TSNARE1: variants seen among roughly 807,000 people sequenced by gnomAD.
TSNARE1 encodes t-SNARE domain-containing protein 1.
In TSNARE1, 49 loss-of-function variants were observed where a neutral mutation model predicts 62.0. The ratio of observed to expected loss-of-function variants is 0.79; its 90% CI spans 0.63 to 1.00. The LOEUF is 1.00. Among genes scored for constraint, TSNARE1 ranks in the 50% least tolerant of loss-of-function variants. TSNARE1 has a pLI of 0.00. For synonymous variants in TSNARE1, 328 were observed against 294.4 expected, an observed-to-expected ratio of 1.11 and a Z score of -1.17; for missense variants, 755 against 700.1, an observed-to-expected ratio of 1.08 and a Z score of -0.88.
chr8:142,397,822 C>A (rs1838003604), intron 1 of TSNARE1, among the ~76,000 whole-genome samples: 1 of 152,160 alleles, frequency 6.6e-6, no homozygotes, highest in South Asian at 2.1e-4. Context: ...GCCCACAGCG[C>A]AGCCACCACA....
Position 142,350,702 on chromosome 8 carries a change from C to G in TSNARE1, c.88+3935G>C, listed in dbSNP as rs569221318. On this transcript the variant is annotated intron_variant, in intron 2 of 13. Transcript: ENST00000524325. ...AACACCACCATCTACAGGGAAAGCT[C>G]AACAGATTCCACAGACAAATAATTA... 2.0e-5 allele frequency among the ~76,000 whole-genome samples: 3 copies of G among 152,340 alleles called. No individual in the cohort carries two copies. In the East Asian group the frequency reaches 5.8e-4, roughly 29 times the overall value.
Position 142,377,403 on chromosome 8 carries a change from G to A in TSNARE1, c.-39-22640C>T, listed in dbSNP as rs1045791803. ...AAATGCAACATAGGCAAAATTAAAA[G>A]GCAAAAGATAAAGTGACAACATATT... On this transcript the variant is annotated intron_variant, in intron 1 of 13. Coordinates refer to ENST00000524325, the MANE Select transcript of TSNARE1 (RefSeq NM_145003.5). 5.4e-5 allele frequency among the ~76,000 whole-genome samples: 8 copies of A among 149,518 alleles called. No homozygotes were observed. The East Asian group carries it at 5.8e-4, about 11-fold the overall frequency.
At chr8:142,305,462 T>C (rs867121548) in intron 9 of TSNARE1, among the ~76,000 whole-genome samples, 1 of 151,960 alleles carries the variant, frequency 6.6e-6, no homozygotes, top group African/African-American at 2.4e-5. Context: ...GCGAGCCGTG[T>C]GGACACCCAG....
At chr8:142,365,944 A>G (rs751209526) in intron 1 of TSNARE1, 5 of 449,484 alleles carry the variant, frequency 1.1e-5, no homozygotes, top group Non-Finnish European at 2.2e-5. Flanking sequence ...AAGACTGTGC[A>G]GCTACAGCAG....
Position 142,330,911 on chromosome 8 carries a change from G to T in TSNARE1, c.883C>A (p.Arg295=). 6.2e-7 allele frequency: 1 copy of T among 1,614,082 alleles called. No individual in the cohort carries two copies. Among genetic ancestry groups the T allele is most frequent in the African/African-American group, 1.3e-5 (1 of 75,072 alleles). The part of the protein sequence containing the change: ...LGTPSDTQEL[R]DSLHTAQQET... ...GGCCCACACACTCACAGGCTGTCCC[G>T]AAGCTCCTGCGTGTCACTCGGTGTC... is the stretch of plus-strand genomic sequence containing the variant. Residue 295 remains arginine (R), a synonymous_variant, in exon 6 of 14, where the codon CGG becomes AGG. Transcript: ENST00000524325.
chr8:142,336,540 T>C (rs1427458918), intron 4 of TSNARE1, among the ~76,000 whole-genome samples: 5 of 152,156 alleles, frequency 3.3e-5, no homozygotes, highest in East Asian at 3.8e-4. Context: ...TAAGTATGTA[T>C]GCACCTAATG....
chr8:142,280,498 C>T (rs1821243888), intron 11 of TSNARE1, among the ~76,000 whole-genome samples: 1 of 152,188 alleles, frequency 6.6e-6, no homozygotes, highest in South Asian at 2.1e-4. Context: ...CTCAGCTACT[C>T]TCTGGGCCTC....
intron 12 of TSNARE1, among the ~76,000 whole-genome samples, chr8:142,258,760 G>T (rs1179840549): frequency 6.6e-6 from 1 of 152,126 alleles, no homozygotes; most frequent in African/African-American, 2.4e-5. Context: ...GACCTCAAGT[G>T]ATCCACCCAC....
Position 142,316,846 on chromosome 8 carries a change from C to T in TSNARE1, c.984+1698G>A, listed in dbSNP as rs571106759. ...TCCTCACTGCTGACCACACCCAACACGGCACTGGCCACGTCACATGTATTT... is the reference window on the plus strand; with the variant it reads ...TCCTCACTGCTGACCACACCCAACATGGCACTGGCCACGTCACATGTATTT... On this transcript the variant is annotated intron_variant, in intron 7 of 13. Transcript: ENST00000524325. 2.8e-4 allele frequency among the ~76,000 whole-genome samples: 43 copies of T among 152,052 alleles called. 1 individual carries two copies. The highest frequency in any genetic ancestry group is 4.6e-4 in the Non-Finnish European group (31 of 68,022).
intron 1 of TSNARE1, among the ~76,000 whole-genome samples, chr8:142,379,466 T>A (rs543591299): frequency 6.6e-6 from 1 of 152,288 alleles, no homozygotes; most frequent in East Asian, 1.9e-4. Context: ...GAGAGTGGTT[T>A]CACAACTTCT....
chr8:142,222,941 CACTCACTCATCCACTCACT>C, intron 13 of TSNARE1, among the ~76,000 whole-genome samples: 1 of 151,938 alleles, frequency 6.6e-6, no homozygotes, highest in African/African-American at 2.4e-5. Flanking sequence ...TCCACTCATT[CACTCACTCATCCACTCACT>C]CACTCATTCA....
chr8:142,222,351 C>T lies in TSNARE1; in HGVS notation c.*11+7122G>A, dbSNP rs1439408562. Among the ~76,000 whole-genome samples, 2 of 119,594 alleles carry T rather than the reference C, an allele frequency of 1.7e-5. 1 individual carries two copies. Among genetic ancestry groups the T allele is most frequent in the Non-Finnish European group, 3.7e-5 (2 of 54,322 alleles). The allele number at this position is 119,594 out of a possible 152,430, so 78.5% of individuals were successfully genotyped here. ...ACTCACTCGCTCACTCATCCACTCA[C>T]TCACTCACTCATCCACTAATTCACT... is the stretch of plus-strand genomic sequence containing the variant. On this transcript the variant is annotated intron_variant, in intron 13 of 13. Transcript: ENST00000524325.
At chr8:142,315,473 C>T (rs1828388367) in intron 7 of TSNARE1, among the ~76,000 whole-genome samples, 1 of 152,238 alleles carries the variant, frequency 6.6e-6, no homozygotes, top group African/African-American at 2.4e-5. Context: ...CCAGAACCAT[C>T]CCCCTCCCCA....
chr8:142,231,011 C>T (rs1454726373), intron 12 of TSNARE1, among the ~76,000 whole-genome samples: 1 of 151,808 alleles, frequency 6.6e-6, no homozygotes, highest in Non-Finnish European at 1.5e-5. Context: ...ATCTACCCAC[C>T]TCTCCATCCA....
At chr8:142,223,250 A>G (rs528738675) in intron 13 of TSNARE1, among the ~76,000 whole-genome samples, 11 of 138,360 alleles carry the variant, frequency 8.0e-5, no homozygotes, top group African/African-American at 3.0e-4. Flanking sequence ...CCACTCACTC[A>G]CTCATTCACT....
At chr8:142,347,740 G>A (rs1467891998) in intron 2 of TSNARE1, among the ~76,000 whole-genome samples, 17 of 71,432 alleles carry the variant, frequency 2.4e-4, no homozygotes, top group Non-Finnish European at 8.3e-5. Flanking sequence ...AGAAGGACAC[G>A]CCATCACCTC....
At chr8:142,354,398 A>G (rs1011888899) in intron 2 of TSNARE1, among the ~76,000 whole-genome samples, 2 of 152,032 alleles carry the variant, frequency 1.3e-5, no homozygotes, top group Non-Finnish European at 2.9e-5. Flanking sequence ...TGCCAGCTCC[A>G]TGCCCAGCAT....
At chr8:142,225,462 G>T (rs567964478) in intron 13 of TSNARE1, among the ~76,000 whole-genome samples, 2 of 150,344 alleles carry the variant, frequency 1.3e-5, no homozygotes, top group African/African-American at 4.9e-5. Flanking sequence ...GTGCTCACAT[G>T]CGGGCTGTAC....
chr8:142,320,549 C>T (rs543193362), intron 6 of TSNARE1, among the ~76,000 whole-genome samples: 1 of 152,322 alleles, frequency 6.6e-6, no homozygotes, highest in Non-Finnish European at 1.5e-5. Context: ...GGGTGGCCTC[C>T]TGTACCTGCA....
Sources: gnomAD v4.1 joint callset for allele counts (sites outside exome capture counted in the v4.1 genomes callset) on GRCh38, gnomAD v4.1.1 for gene constraint, MANE v1.5 for transcripts, NCBI Gene and HGNC (gene_info 2026-07-23, HGNC 2026-07-21) for gene names.